The following IL1RAPL1 variants were observed in gnomAD, a reference collection of about 807,000 sequenced individuals.
IL1RAPL1 encodes the protein interleukin-1 receptor accessory protein-like 1.
In IL1RAPL1, 3 loss-of-function variants were observed where a neutral mutation model predicts 48.4. The observed-to-expected ratio is 0.06, with a 90% CI of 0.03 to 0.16. The LOEUF is 0.16. Ranked by LOEUF, IL1RAPL1 falls within the 10% of genes least tolerant of loss-of-function variation. The probability of loss-of-function intolerance (pLI) is 1.00; values close to 1 mark genes in which losing one functional copy is unlikely to be tolerated. For missense variants in IL1RAPL1, 349 were observed against 530.6 expected, an observed-to-expected ratio of 0.66 and a Z score of 3.36; for synonymous variants, 185 against 187.7, an observed-to-expected ratio of 0.99 and a Z score of 0.12.
chrX:29,421,049 A>G (rs957876232), intron 5 of IL1RAPL1, among the ~76,000 whole-genome samples: 4 of 111,913 alleles, frequency 3.6e-5, no homozygotes, highest in African/African-American at 9.7e-5. Flanking sequence ...CATTCATAAA[A>G]CACAGGAAAA....
At chrX:28,830,362 T>G (rs1159252265) in intron 2 of IL1RAPL1, among the ~76,000 whole-genome samples, 1 of 112,119 alleles carries the variant, frequency 8.9e-6, no homozygotes, top group African/African-American at 3.2e-5. Flanking sequence ...TCAGACTGAA[T>G]AAGTTGAATT....
intron 5 of IL1RAPL1, among the ~76,000 whole-genome samples, chrX:29,509,690 C>G (rs754811143): frequency 5.4e-5 from 6 of 111,278 alleles, no homozygotes; most frequent in Non-Finnish European, 1.1e-4. Flanking sequence ...CCCACACGCA[C>G]ACACACACAC....
At chrX:29,607,283 A>G (rs1017382340) in intron 5 of IL1RAPL1, among the ~76,000 whole-genome samples, 1 of 111,915 alleles carries the variant, frequency 8.9e-6, no homozygotes, top group African/African-American at 3.3e-5. Flanking sequence ...TTTGAGAGCC[A>G]TGAAAAGGAT....
Position 29,012,623 on chromosome X carries a change from A to G in IL1RAPL1, c.82+223198A>G, listed in dbSNP as rs751560742. Among the ~76,000 whole-genome samples the G allele has an allele frequency of 1.4e-3, 157 of 112,138 alleles. No individual in the cohort carries two copies. In the Middle Eastern group the frequency reaches 0.037, roughly 26 times the overall value. ...GATGTTTTGCACAACATTTATGGGG[A>G]CAATACCCCAAAGAAATCAACAGTT... is the stretch of plus-strand genomic sequence containing the variant. On this transcript the variant is annotated intron_variant, in intron 2 of 10. Coordinates refer to ENST00000378993, the MANE Select transcript of IL1RAPL1 (RefSeq NM_014271.4).
At chrX:28,736,037 A>G (rs1935820412) in intron 1 of IL1RAPL1, among the ~76,000 whole-genome samples, 1 of 111,448 alleles carries the variant, frequency 9.0e-6, no homozygotes, top group African/African-American at 3.3e-5. Flanking sequence ...TAAATTCAAG[A>G]TATTATATAG....
rs900012970 is a variant in IL1RAPL1, at chrX:29,277,743, C to T, written c.83-5195C>T. On this transcript the variant is annotated intron_variant, in intron 2 of 10. Transcript: ENST00000378993. ...TTGGGACCAGAAGTGTTTTGGATAT[C>T]AGATCTTTTTCAAATTTTAGAATAC... Among the ~76,000 whole-genome samples the T allele has an allele frequency of 4.5e-5, 5 of 112,137 alleles. No homozygotes were observed. The South Asian group carries it at 1.8e-3, about 41-fold the overall frequency.
chrX:29,855,358 G>A (rs991112762), intron 6 of IL1RAPL1, among the ~76,000 whole-genome samples: 3 of 112,141 alleles, frequency 2.7e-5, no homozygotes, highest in Admixed American at 9.4e-5. Flanking sequence ...ATGCGCATGC[G>A]TGCACACAGA....
intron 2 of IL1RAPL1, among the ~76,000 whole-genome samples, chrX:28,916,480 T>C (rs915671855): frequency 5.3e-5 from 6 of 112,454 alleles, no homozygotes; most frequent in Non-Finnish European, 7.5e-5. Context: ...CCTCCAGCGC[T>C]CTAGCCCAGA....
chrX:28,597,413 A>C (rs1214312247), intron 1 of IL1RAPL1, among the ~76,000 whole-genome samples: 1 of 111,288 alleles, frequency 9.0e-6, no homozygotes, highest in Non-Finnish European at 1.9e-5. Flanking sequence ...GGCTCTCTTC[A>C]TTTTCCTCTT....
At chrX:29,208,204 T>A (rs908852455) in intron 2 of IL1RAPL1, among the ~76,000 whole-genome samples, 1 of 111,113 alleles carries the variant, frequency 9.0e-6, no homozygotes, top group Non-Finnish European at 1.9e-5. Flanking sequence ...GAAAACAGAG[T>A]TAACAGGTAA....
chrX:29,906,217 C>T (rs1176745553), intron 6 of IL1RAPL1, among the ~76,000 whole-genome samples: 1 of 105,115 alleles, frequency 9.5e-6, no homozygotes, highest in East Asian at 3.1e-4. Context: ...CTCCTGTAGT[C>T]CCAGCTACTC....
intron 3 of IL1RAPL1, among the ~76,000 whole-genome samples, chrX:29,333,649 G>T (rs1435119668): frequency 1.2e-5 from 1 of 81,485 alleles, no homozygotes; most frequent in African/African-American, 5.3e-5. Context: ...CTTCCCAGTA[G>T]GGGCGGCCGG....
At chrX:28,642,210 G>A (rs142244924) in intron 1 of IL1RAPL1, among the ~76,000 whole-genome samples, 50 of 111,125 alleles carry the variant, frequency 4.5e-4, no homozygotes, top group African/African-American at 1.6e-3. Context: ...CACAATAGTA[G>A]TGGGAGACTT....
rs1438159000 is a variant in IL1RAPL1, at chrX:28,695,697, T to C, written c.-24-93623T>C. ...TCATTCATTCTACAAATTCAGCAAC[T>C]GTTTGCTGAGTATCTACTGTATACT... On this transcript the variant is annotated intron_variant, in intron 1 of 10. Transcript: ENST00000378993. 2.1e-4 allele frequency among the ~76,000 whole-genome samples: 23 copies of C among 111,892 alleles called. No individual in the cohort carries two copies. The Admixed American group carries it at 2.2e-3, about 11-fold the overall frequency.
intron 1 of IL1RAPL1, among the ~76,000 whole-genome samples, chrX:28,780,996 A>G (rs1407593154): frequency 9.0e-6 from 1 of 111,698 alleles, no homozygotes; most frequent in Non-Finnish European, 1.9e-5. Context: ...ATATTAGTCA[A>G]TAGAAAATAT....
At chrX:29,531,386 A>G (rs1244116330) in intron 5 of IL1RAPL1, among the ~76,000 whole-genome samples, 2 of 112,003 alleles carry the variant, frequency 1.8e-5, no homozygotes, top group African/African-American at 3.2e-5. Context: ...TAAGGACTGG[A>G]TTAGCCATGT....
intron 2 of IL1RAPL1, among the ~76,000 whole-genome samples, chrX:28,941,825 T>C (rs1465793185): frequency 9.1e-6 from 1 of 110,276 alleles, no homozygotes; most frequent in Non-Finnish European, 1.9e-5. Flanking sequence ...GAATACCATG[T>C]TTTTAAAATC....
At chrX:29,412,498 CTT>C (rs1934157411) in intron 5 of IL1RAPL1, among the ~76,000 whole-genome samples, 2 of 111,766 alleles carry the variant, frequency 1.8e-5, no homozygotes, top group South Asian at 7.4e-4. Flanking sequence ...CAAAATATCT[CTT>C]TAGTAATTTT....
At chrX:28,625,737 C>CGT (rs112613600) in intron 1 of IL1RAPL1, among the ~76,000 whole-genome samples, 3,714 of 99,209 alleles carry the variant, frequency 0.037, 73 homozygotes, top group Admixed American at 0.088. Context: ...AATCAAAATG[C>CGT]GTGTGTGTGT....
Sources: gnomAD v4.1 joint callset for allele counts (sites outside exome capture counted in the v4.1 genomes callset) on GRCh38, gnomAD v4.1.1 for gene constraint, MANE v1.5 for transcripts, NCBI Gene and HGNC (gene_info 2026-07-23, HGNC 2026-07-21) for gene names.